The following RAD9B variants were observed in gnomAD, a reference collection of about 807,000 sequenced individuals.
RAD9B encodes the protein cell cycle checkpoint control protein RAD9B.
A neutral mutation model predicts 48.3 loss-of-function variants in RAD9B; 41 were observed. The ratio of observed to expected loss-of-function variants is 0.85; its 90% CI spans 0.66 to 1.10. RAD9B has a LOEUF of 1.10. Among genes scored for constraint, RAD9B ranks in the 50% least tolerant of loss-of-function variants. The pLI, the probability that RAD9B is intolerant of heterozygous loss-of-function variation, is 0.00. For missense variants in RAD9B, 444 were observed against 485.1 expected, an observed-to-expected ratio of 0.92 and a Z score of 0.80; for synonymous variants, 160 against 157.9, an observed-to-expected ratio of 1.01 and a Z score of -0.10.
chr12:110,520,209 G>GTTGTTT lies in RAD9B; in HGVS notation c.890+298_890+299insTTTGTT, dbSNP rs1555210647. Among the ~76,000 whole-genome samples, 19 of 152,090 alleles carry GTTGTTT rather than the reference G, an allele frequency of 1.2e-4. No individual in the cohort carries two copies. In the Middle Eastern group the frequency reaches 0.024, roughly 191 times the overall value. ...ATTTTTAGTTTTTGTTGTTGTTGTT[G>GTTGTTT]TTGTTGTTATTGTTTTAGACAAGGT... On this transcript the variant is annotated intron_variant, in intron 9 of 10. Coordinates refer to ENST00000409300, the MANE Select transcript of RAD9B (RefSeq NM_001286535.2).
rs756487304 is a variant in RAD9B at position 110,518,780 on chromosome 12, A to C, written c.700A>C (p.Lys234Gln). 1 of 1,588,732 alleles carries C rather than the reference A, an allele frequency of 6.3e-7. No homozygotes were observed. The highest frequency in any genetic ancestry group is 1.4e-5 in the African/African-American group (1 of 74,018). ...GATAACATTTTGTTTCAAAGAATTG[A>C]AGGTAAATAAAGATTTGTATCAATT... ...TEITFCFKEL[K>Q]GILTFSEATH... The change falls in exon 7 of 11, where the codon AAG becomes CAG. Residue 234 changes from lysine to glutamine, a missense_variant and splice_region_variant. Coordinates refer to ENST00000409300, the MANE Select transcript of RAD9B (RefSeq NM_001286535.2).
At position 110,503,837 on chromosome 12, in the gene RAD9B, A is replaced by G; in HGVS notation, c.78A>G (p.Arg26=). Residue 26 remains arginine, a synonymous_variant, in exon 2 of 11, where the codon CGA becomes CGG. Coordinates refer to ENST00000409300, the MANE Select transcript of RAD9B (RefSeq NM_001286535.2). ...GGAAAGCAGTTCAAGCTCTATCACG[A>G]ATTAGTGACGAGTTCTGGCTAGACC... ...VFGKAVQALS[R]ISDEFWLDPS... 6.2e-7 allele frequency: 1 copy of G among 1,605,700 alleles called. No individual in the cohort carries two copies. Among genetic ancestry groups the G allele is most frequent in the Non-Finnish European group, 8.5e-7 (1 of 1,176,600 alleles).
intron 4 of RAD9B, among the ~76,000 whole-genome samples, chr12:110,508,413 T>C (rs2063357493): frequency 6.6e-6 from 1 of 152,204 alleles, no homozygotes. Context: ...GTATTCAGTA[T>C]CTCTCAAGTA....
chr12:110,517,032 A>C (rs1428474563), intron 6 of RAD9B, among the ~76,000 whole-genome samples: 1 of 152,110 alleles, frequency 6.6e-6, no homozygotes, highest in Non-Finnish European at 1.5e-5. Flanking sequence ...ATGAAATACT[A>C]TGAAACTATT....
Position 110,518,207 on chromosome 12 carries a change from A to AAT in RAD9B, c.596-468_596-467insTA, listed in dbSNP as rs1470353318. ...CTCCGTCTCAAAAGAAAAAAAAAAA[A>AAT]AGTTAAAAATGTGCATGTAAGTGGC... On this transcript the variant is annotated intron_variant, in intron 6 of 10. Transcript: ENST00000409300. 3.3e-5 allele frequency among the ~76,000 whole-genome samples: 5 copies of AAT among 151,670 alleles called. No individual in the cohort carries two copies. The East Asian group carries it at 9.7e-4, about 30-fold the overall frequency.
At chr12:110,520,396 G>A (rs1042953781) in intron 9 of RAD9B, among the ~76,000 whole-genome samples, 2 of 151,692 alleles carry the variant, frequency 1.3e-5, no homozygotes, top group Non-Finnish European at 2.9e-5. Context: ...TTTTTTTGTA[G>A]AGACAGGGTT....
At chr12:110,509,450 T>A (rs921898987) in intron 4 of RAD9B, among the ~76,000 whole-genome samples, 2 of 151,940 alleles carry the variant, frequency 1.3e-5, no homozygotes, top group African/African-American at 4.8e-5. Flanking sequence ...TTTAAAAAAA[T>A]TTTAATAGAT....
At chr12:110,520,597 GAT>G (rs2063745827) in intron 9 of RAD9B, among the ~76,000 whole-genome samples, 1 of 139,090 alleles carries the variant, frequency 7.2e-6, no homozygotes, top group African/African-American at 2.7e-5. Flanking sequence ...CTTTTGCTCA[GAT>G]ATAGGGATAG....
intron 2 of RAD9B, among the ~76,000 whole-genome samples, chr12:110,504,984 C>T (rs1395207824): frequency 6.6e-6 from 1 of 151,442 alleles, no homozygotes; most frequent in Non-Finnish European, 1.5e-5. Context: ...CCAGCCTGGC[C>T]AACAGGCTGG....
Position 110,531,931 on chromosome 12 carries a change from C to G in RAD9B, c.*1278C>G, listed in dbSNP as rs746734658. On this transcript the variant is annotated 3_prime_UTR_variant, in exon 11 of 11. Coordinates refer to ENST00000409300, the MANE Select transcript of RAD9B (RefSeq NM_001286535.2). ...AACTGGCAAGCAGTTGTACTTTAGA[C>G]TTTGTGAGAAATTCATAAAGGTGGC... The G allele has an allele frequency of 2.8e-5, 9 of 323,338 alleles. No homozygotes were observed. Among genetic ancestry groups the G allele is most frequent in the Non-Finnish European group, 4.5e-5 (8 of 177,908 alleles). 20.0% of individuals were successfully genotyped at this position (323,338 alleles called of 1,614,324 possible). A position where few individuals can be genotyped will look rare whatever the true frequency, so the allele number is the denominator to read the frequency against.
At chr12:110,502,822 G>C (rs1303340512) in intron 1 of RAD9B, 2 of 161,712 alleles carry the variant, frequency 1.2e-5, no homozygotes, top group Non-Finnish European at 2.7e-5. Context: ...TTTCTAAAAC[G>C]GAAACAGGGG....
In RAD9B at chr12:110,530,815, A is replaced by T. The variant is rs2064117758; in HGVS notation, c.*162A>T. Reference sequence around the variant, plus strand: ...CATCTTGTACAACAACCATATCTAGAAATAGCTGTTTGTCAAGTGTATGTA... The same window carrying T: ...CATCTTGTACAACAACCATATCTAGTAATAGCTGTTTGTCAAGTGTATGTA... On this transcript the variant is annotated 3_prime_UTR_variant, in exon 11 of 11. Transcript: ENST00000409300. The T allele has an allele frequency of 7.1e-7, 1 of 1,409,740 alleles. No individual in the cohort carries two copies. The highest frequency in any genetic ancestry group is 1.4e-5 in the African/African-American group (1 of 69,712). The allele number at this position is 1,409,740 out of a possible 1,614,324, so 87.3% of individuals were successfully genotyped here.
chr12:110,521,155 A>C (rs1263091923), intron 9 of RAD9B, among the ~76,000 whole-genome samples: 1 of 151,584 alleles, frequency 6.6e-6, no homozygotes, highest in Non-Finnish European at 1.5e-5. Context: ...GTATTTTCAA[A>C]TTTTTTAAAA....
rs1378268288 is a variant in RAD9B at position 110,532,514 on chromosome 12, T to C, written c.*1861T>C. Among the ~76,000 whole-genome samples the C allele has an allele frequency of 6.6e-6, 1 of 152,226 alleles. No homozygotes were observed. The highest frequency in any genetic ancestry group is 1.5e-5 in the Non-Finnish European group (1 of 68,030). On this transcript the variant is annotated 3_prime_UTR_variant, in exon 11 of 11. Coordinates refer to ENST00000409300, the MANE Select transcript of RAD9B (RefSeq NM_001286535.2). Reference sequence around the variant, plus strand: ...TGAGCCCAGCAGTTCAAGACTAGCCTGGGCAACATGGTGAGATCCCATCTC... The same window carrying C: ...TGAGCCCAGCAGTTCAAGACTAGCCCGGGCAACATGGTGAGATCCCATCTC...
At chr12:110,507,305 T>G (rs2063305741) in intron 4 of RAD9B, among the ~76,000 whole-genome samples, 1 of 147,736 alleles carries the variant, frequency 6.8e-6, no homozygotes, top group African/African-American at 2.5e-5. Flanking sequence ...AAGCAATTGG[T>G]TGTTCTAAAA....
At chr12:110,515,491 T>C (rs2063578930) in intron 6 of RAD9B, among the ~76,000 whole-genome samples, 1 of 151,900 alleles carries the variant, frequency 6.6e-6, no homozygotes, top group East Asian at 1.9e-4. Flanking sequence ...CGAAAACCCA[T>C]CTCTACTAAA....
At position 110,506,691 on chromosome 12, in the gene RAD9B, A is replaced by G. The variant is rs781583016; in HGVS notation, c.386A>G (p.His129Arg). The G allele has an allele frequency of 1.7e-5, 24 of 1,414,034 alleles. No individual in the cohort carries two copies. Among genetic ancestry groups the G allele is most frequent in the Middle Eastern group, 1.8e-4 (1 of 5,642 alleles). The allele number at this position is 1,414,034 out of a possible 1,614,324, so 87.6% of individuals were successfully genotyped here. Residue 129 changes from histidine (H) to arginine (R), a missense_variant and splice_region_variant, in exon 4 of 11, where the codon CAT becomes CGT. Coordinates refer to ENST00000409300, the MANE Select transcript of RAD9B (RefSeq NM_001286535.2). ...GTAGTTATTCAATTCTTCTACAGAC[A>G]TGGTAGGTATAATTAAAAGTGGTTT... is the stretch of plus-strand genomic sequence containing the variant. ...CKVVIQFFYR[H>R]GIKRTHNICF...
At chr12:110,510,345 T>C (rs1218342971) in intron 4 of RAD9B, among the ~76,000 whole-genome samples, 1 of 152,132 alleles carries the variant, frequency 6.6e-6, no homozygotes, top group Non-Finnish European at 1.5e-5. Context: ...ACAAAAAAAA[T>C]TGTCACCAAT....
intron 10 of RAD9B, among the ~76,000 whole-genome samples, chr12:110,525,811 C>T (rs2063919544): frequency 6.6e-6 from 1 of 152,194 alleles, no homozygotes; most frequent in Admixed American, 6.5e-5. Context: ...CTACCTCAGC[C>T]TCTCGAGTAG....
Sources: gnomAD v4.1 joint callset for allele counts (sites outside exome capture counted in the v4.1 genomes callset) on GRCh38, gnomAD v4.1.1 for gene constraint, MANE v1.5 for transcripts, NCBI Gene and HGNC (gene_info 2026-07-23, HGNC 2026-07-21) for gene names.